Variants in BBS9 observed in about 807,000 individuals in gnomAD.
BBS9 encodes the protein protein PTHB1.
A neutral mutation model predicts 117.7 loss-of-function variants in BBS9; 89 were observed. That is an observed-to-expected ratio of 0.76 (90% CI 0.64 to 0.90). BBS9 has a LOEUF of 0.90. BBS9 is among the 40% of genes least tolerant of loss of function. BBS9 has a pLI of 0.00. For synonymous variants in BBS9, 379 were observed against 370.9 expected, an observed-to-expected ratio of 1.02 and a Z score of -0.25; for missense variants, 982 against 1,042.2, an observed-to-expected ratio of 0.94 and a Z score of 0.80.
chr7:33,272,244 C>T (rs185482273), intron 7 of BBS9, among the ~76,000 whole-genome samples: 1 of 152,256 alleles, frequency 6.6e-6, no homozygotes, highest in African/African-American at 2.4e-5. Flanking sequence ...AAATAACTAT[C>T]ACATACTACG....
At chr7:33,178,182 G>A (rs183843573) in intron 5 of BBS9, among the ~76,000 whole-genome samples, 1 of 152,360 alleles carries the variant, frequency 6.6e-6, no homozygotes, top group African/African-American at 2.4e-5. Context: ...GCAGCTGGAA[G>A]AGTGGGGGAT....
In BBS9 at chr7:33,604,802, G is replaced by C; in HGVS notation, c.2522-63G>C. On this transcript the variant is annotated intron_variant, in intron 21 of 22. Coordinates refer to ENST00000242067, the MANE Select transcript of BBS9 (RefSeq NM_198428.3). ...ATCAGTGTGTTCCTAAGCTATGATT[G>C]CTGTGTAGAGAGGCAGATTTTCTTA... 3.7e-6 allele frequency: 4 copies of C among 1,080,152 alleles called. No homozygotes were observed. In the South Asian group the frequency reaches 5.3e-5, roughly 14 times the overall value. The allele number at this position is 1,080,152 out of a possible 1,614,324, so 66.9% of individuals were successfully genotyped here. A position where few individuals can be genotyped will look rare whatever the true frequency, so the allele number is the denominator to read the frequency against.
At chr7:33,486,111 G>A (rs1290486068) in intron 19 of BBS9, among the ~76,000 whole-genome samples, 1 of 152,176 alleles carries the variant, frequency 6.6e-6, no homozygotes, top group Non-Finnish European at 1.5e-5. Context: ...GCACAATTTA[G>A]CCTTATTGTT....
chr7:33,245,601 A>G (rs1363734266), intron 5 of BBS9, among the ~76,000 whole-genome samples: 1 of 152,144 alleles, frequency 6.6e-6, no homozygotes, highest in Non-Finnish European at 1.5e-5. Context: ...AATAAAACAT[A>G]ATGGCAGTTC....
At chr7:33,131,177 A>G (rs1190738668) in intron 1 of BBS9, among the ~76,000 whole-genome samples, 1 of 152,212 alleles carries the variant, frequency 6.6e-6, no homozygotes, top group Non-Finnish European at 1.5e-5. Context: ...CACAGAACAC[A>G]CTACCACCGT....
At chr7:33,490,172 G>A (rs986883792) in intron 19 of BBS9, among the ~76,000 whole-genome samples, 5 of 152,054 alleles carry the variant, frequency 3.3e-5, no homozygotes, top group Admixed American at 6.5e-5. Flanking sequence ...TAGCTACTTC[G>A]AAGGAAGAAA....
intron 5 of BBS9, among the ~76,000 whole-genome samples, chr7:33,194,190 C>T (rs1161255676): frequency 6.6e-6 from 1 of 152,130 alleles, no homozygotes. Context: ...ATGGGCATTT[C>T]CATTTCTCTG....
chr7:33,328,434 A>C (rs2128602780), intron 9 of BBS9, among the ~76,000 whole-genome samples: 1 of 152,346 alleles, frequency 6.6e-6, no homozygotes, highest in African/African-American at 2.4e-5. Context: ...GAAATGATTA[A>C]TGGTGGATTG....
At chr7:33,450,097 A>T (rs141675257) in intron 19 of BBS9, among the ~76,000 whole-genome samples, 391 of 152,282 alleles carry the variant, frequency 2.6e-3, no homozygotes, top group Non-Finnish European at 4.5e-3. Flanking sequence ...ACCACTTTAG[A>T]TACCTCATAA....
At chr7:33,277,794 A>T (rs1801033469) in intron 9 of BBS9, among the ~76,000 whole-genome samples, 1 of 152,174 alleles carries the variant, frequency 6.6e-6, no homozygotes, top group Non-Finnish European at 1.5e-5. Context: ...CAGAAATGCA[A>T]AAAACCTGTA....
At chr7:33,630,629 G>A (rs1021528203) in intron 21 of BBS9, among the ~76,000 whole-genome samples, 1 of 152,172 alleles carries the variant, frequency 6.6e-6, no homozygotes, top group African/African-American at 2.4e-5. Context: ...GTCTTCAGCA[G>A]ATCCTCACAG....
intron 21 of BBS9, among the ~76,000 whole-genome samples, chr7:33,630,802 G>T (rs1043237830): frequency 5.5e-4 from 84 of 151,618 alleles, no homozygotes; most frequent in African/African-American, 1.9e-3. Context: ...CCTGCCTTCT[G>T]CACTCACTCA....
chr7:33,390,826 G>A (rs1403832638), intron 19 of BBS9, among the ~76,000 whole-genome samples: 7 of 152,040 alleles, frequency 4.6e-5, no homozygotes, highest in Admixed American at 3.9e-4. Flanking sequence ...ACATAGAAAT[G>A]AAATATTGTT....
chr7:33,276,106 C>T (rs1800717084), intron 9 of BBS9, among the ~76,000 whole-genome samples: 1 of 151,788 alleles, frequency 6.6e-6, no homozygotes, highest in Non-Finnish European at 1.5e-5. Context: ...TTTTTCTTTT[C>T]TTACATATAA....
chr7:33,563,603 A>C (rs1856417231), intron 21 of BBS9, among the ~76,000 whole-genome samples: 1 of 152,160 alleles, frequency 6.6e-6, no homozygotes, highest in South Asian at 2.1e-4. Flanking sequence ...CTGCCAAAGA[A>C]ATAGTGTGTA....
At chr7:33,363,172 G>A (rs551105281) in intron 16 of BBS9, among the ~76,000 whole-genome samples, 75 of 152,158 alleles carry the variant, frequency 4.9e-4, no homozygotes, top group South Asian at 1.0e-3. Flanking sequence ...GTACAATCTC[G>A]TCTCACTGCA....
At chr7:33,326,175 TAC>T (rs1812787842) in intron 9 of BBS9, among the ~76,000 whole-genome samples, 1 of 152,124 alleles carries the variant, frequency 6.6e-6, no homozygotes, top group East Asian at 1.9e-4. Context: ...TCTGTTTTAG[TAC>T]AGTGAGCTGG....
At chr7:33,571,552 AT>A (rs1010329646) in intron 21 of BBS9, among the ~76,000 whole-genome samples, 2 of 151,830 alleles carry the variant, frequency 1.3e-5, no homozygotes, top group African/African-American at 2.4e-5. Context: ...AATTTTTCTT[AT>A]TTTTTTGCCA....
chr7:33,184,105 G>A (rs1242935952), intron 5 of BBS9, among the ~76,000 whole-genome samples: 1 of 149,486 alleles, frequency 6.7e-6, no homozygotes, highest in African/African-American at 2.6e-5. Flanking sequence ...CACAGAGAGA[G>A]AGAGAGAGAG....
Sources: gnomAD v4.1 joint callset for allele counts (sites outside exome capture counted in the v4.1 genomes callset) on GRCh38, gnomAD v4.1.1 for gene constraint, MANE v1.5 for transcripts, NCBI Gene and HGNC (gene_info 2026-07-23, HGNC 2026-07-21) for gene names.